The following ZNF221 variants were observed in gnomAD, a reference collection of about 807,000 sequenced individuals.
ZNF221 encodes zinc finger protein 221.
In ZNF221, 10 loss-of-function variants were observed where a neutral mutation model predicts 12.6. The ratio of observed to expected loss-of-function variants is 0.79; its 90% CI spans 0.49 to 1.34. The LOEUF is 1.34. ZNF221 is among the 40% of genes most tolerant of loss of function. The probability of loss-of-function intolerance (pLI) is 0.00; values close to 1 mark genes in which losing one functional copy is unlikely to be tolerated. For missense variants in ZNF221, 661 were observed against 721.4 expected (o/e 0.92, Z 0.96); for synonymous variants, 232 against 244.0 (o/e 0.95, Z 0.46).
chr19:43,965,482 T>A (rs1225126483), intron 4 of ZNF221, among the ~76,000 whole-genome samples, 157 bp downstream of exon 4: 1 of 152,242 alleles, frequency 6.6e-6, no homozygotes. Context: ...GCTTCATTAT[T>A]CATGTTCATA....
At chr19:43,951,849 C>CTTTTTTTTTTT (rs758081943) in intron 1 of ZNF221, among the ~76,000 whole-genome samples, 3 of 62,596 alleles carry the variant, frequency 4.8e-5, no homozygotes, top group African/African-American at 2.0e-4. Context: ...TCTTTGACCT[C>CTTTTTTTTTTT]TTTTTTTTTT....
At chr19:43,952,791 T>A (rs1032093941) in intron 1 of ZNF221, among the ~76,000 whole-genome samples, 3 of 152,198 alleles carry the variant, frequency 2.0e-5, no homozygotes, top group Non-Finnish European at 2.9e-5. Flanking sequence ...CTAGGACTCT[T>A]TTAAAACTTT....
chr19:43,969,334 CTTTTTTTTTTTTTTTTTTT>C (rs60512580), downstream of ZNF221, among the ~76,000 whole-genome samples: 9 of 57,998 alleles, frequency 1.6e-4, no homozygotes, highest in African/African-American at 6.5e-4. Context: ...CAGACTGCTG[CTTTTTTTTTTTTTTTTTTT>C]TTTTTTTTTT....
At chr19:43,960,446 C>CT (rs1446502889) in intron 1 of ZNF221, 1 of 152,222 alleles carries the variant, frequency 6.6e-6, no homozygotes, top group Non-Finnish European at 1.5e-5. Flanking sequence ...TACATGTCGG[C>CT]TGTGGAGCAA....
chr19:43,960,986 G>GGACCACTGCCCTCTGAGAAGTGGTCCTGA (rs1489431599), intron 1 of ZNF221, among the ~76,000 whole-genome samples: 1 of 152,156 alleles, frequency 6.6e-6, no homozygotes. Context: ...TGTGGTAAGG[G>GGACCACTGCCCTCTGAGAAGTGGTCCTGA]GACCACTGCC....
At chr19:43,975,982 T>C in the ZNF221 span, among the ~76,000 whole-genome samples, 176 of 152,282 alleles carry the variant, frequency 1.2e-3, 1 homozygote, top group African/African-American at 4.0e-3. Context: ...GATTTTGTAA[T>C]AACAGACCAC....
At chr19:43,962,598 T>G in intron 1 of ZNF221, 127 bp from the exon 2 acceptor site, 1 of 883,282 alleles carries the variant, frequency 1.1e-6, no homozygotes, top group Non-Finnish European at 1.9e-6. Flanking sequence ...TTGTTTGCAG[T>G]TTGGGGTTAT....
At chr19:43,973,112 A>G in the ZNF221 span, among the ~76,000 whole-genome samples, 1 of 152,186 alleles carries the variant, frequency 6.6e-6, no homozygotes, top group Non-Finnish European at 1.5e-5. Flanking sequence ...GCAAATCAAT[A>G]AATGTGATCA....
At chr19:43,969,934 G>A (rs1161562075), downstream of ZNF221, among the ~76,000 whole-genome samples, 2 of 152,196 alleles carry the variant, frequency 1.3e-5, no homozygotes, top group Non-Finnish European at 2.9e-5. Context: ...TCTGTAAGTA[G>A]GTCCCTGATC....
chr19:43,980,361 C>T, the ZNF221 span, among the ~76,000 whole-genome samples: 2 of 152,156 alleles, frequency 1.3e-5, no homozygotes, highest in Non-Finnish European at 2.9e-5. Context: ...TCCACAATTG[C>T]TTCAATAAAC....
chr19:43,958,649 T>A (rs181229926), intron 1 of ZNF221, among the ~76,000 whole-genome samples: 387 of 152,336 alleles, frequency 2.5e-3, no homozygotes, highest in Non-Finnish European at 4.0e-3. Context: ...ATAAGTGCTC[T>A]GAAGTGGAAA....
chr19:43,969,100 C>T (rs1975040959), downstream of ZNF221, among the ~76,000 whole-genome samples: 1 of 152,220 alleles, frequency 6.6e-6, no homozygotes, highest in African/African-American at 2.4e-5. Flanking sequence ...GGCCCCACTT[C>T]CATGGCACCT....
chr19:43,968,433 T>C (rs1230075436), downstream of ZNF221, among the ~76,000 whole-genome samples: 1 of 152,214 alleles, frequency 6.6e-6, no homozygotes, highest in Non-Finnish European at 1.5e-5. Context: ...TTAACACTGA[T>C]TGGCACTTTG....
At chr19:43,969,881 C>G (rs1170577639), downstream of ZNF221, among the ~76,000 whole-genome samples, 5 of 152,184 alleles carry the variant, frequency 3.3e-5, no homozygotes, top group Non-Finnish European at 7.3e-5. Flanking sequence ...AGGGTCCTCC[C>G]CCACCGCAGC....
At chr19:43,954,752 T>C (rs985728966) in intron 1 of ZNF221, among the ~76,000 whole-genome samples, 1 of 151,602 alleles carries the variant, frequency 6.6e-6, no homozygotes, top group Non-Finnish European at 1.5e-5. Context: ...CTACATCAGG[T>C]ATGGGGAAAA....
rs373654226 is a variant in ZNF221, at chr19:43,966,782, G to A, written c.1280G>A (p.Cys427Tyr). Residue 427 changes from cysteine (C) to tyrosine (Y), a missense_variant, in exon 5 of 5, where the codon TGT becomes TAT. Coordinates refer to ENST00000587682, the MANE Select transcript of ZNF221 (RefSeq NM_001297588.2). ...SGQKSFKCEE[C>Y]GKGFYTNSRR... The stretch of plus-strand genomic sequence containing the variant: ...CAAAAATCCTTCAAATGTGAAGAAT[G>A]TGGGAAGGGATTTTATACAAATTCA... 8.7e-6 allele frequency: 14 copies of A among 1,614,092 alleles called. No homozygotes were observed. In the African/African-American group the frequency reaches 1.3e-4, roughly 15 times the overall value.
In ZNF221 at chr19:43,967,534, A is replaced by C. The variant is rs536821755; in HGVS notation, c.*178A>C. 3.5e-6 allele frequency: 2 copies of C among 566,830 alleles called. No homozygotes were observed. The highest frequency in any genetic ancestry group is 3.1e-6 in the Non-Finnish European group (1 of 327,258). The allele number at this position is 566,830 out of a possible 1,614,324, so 35.1% of individuals were successfully genotyped here. ...CACTCTTTCACCCAGGCCTGACTGCAGTGGCGCTATCTCAGCTCACTGCAA... is the reference window on the plus strand; with the variant it reads ...CACTCTTTCACCCAGGCCTGACTGCCGTGGCGCTATCTCAGCTCACTGCAA... On this transcript the variant is annotated 3_prime_UTR_variant, in exon 5 of 5. Coordinates refer to ENST00000587682, the MANE Select transcript of ZNF221 (RefSeq NM_001297588.2).
chr19:43,959,181 A>G (rs1974805457), intron 1 of ZNF221, among the ~76,000 whole-genome samples: 1 of 152,202 alleles, frequency 6.6e-6, no homozygotes, highest in Non-Finnish European at 1.5e-5. Flanking sequence ...CAGTTGAGTA[A>G]AGATTCCTTA....
At position 43,965,218 on chromosome 19, in the gene ZNF221, A is replaced by C; in HGVS notation, c.209-15A>C. 6.2e-7 allele frequency: 1 copy of C among 1,604,776 alleles called. No homozygotes were observed. Among genetic ancestry groups the C allele is most frequent in the South Asian group, 1.1e-5 (1 of 90,076 alleles). The stretch of plus-strand genomic sequence containing the variant: ...ACAATGGGTTGGAATTAAGCATGTC[A>C]CTGTGTGTTCACAGGGAATCAACCA... On this transcript the variant is annotated splice_polypyrimidine_tract_variant and intron_variant, in intron 3 of 4. Coordinates refer to ENST00000587682, the MANE Select transcript of ZNF221 (RefSeq NM_001297588.2).
Sources: gnomAD v4.1 joint callset for allele counts (sites outside exome capture counted in the v4.1 genomes callset) on GRCh38, gnomAD v4.1.1 for gene constraint, MANE v1.5 for transcripts, NCBI Gene and HGNC (gene_info 2026-07-23, HGNC 2026-07-21) for gene names.